TMC4: variants seen among roughly 807,000 people sequenced by gnomAD.
TMC4 encodes voltage-gated chloride channel TMC4.
In TMC4, 70 loss-of-function variants were observed where a neutral mutation model predicts 82.0. The ratio of observed to expected loss-of-function variants is 0.85; its 90% CI spans 0.70 to 1.04. TMC4 has a LOEUF of 1.04. Ranked by LOEUF, TMC4 falls within the 50% of genes least tolerant of loss-of-function variation. The pLI is 0.00. For synonymous variants in TMC4, 446 were observed against 406.0 expected, an observed-to-expected ratio of 1.10 and a Z score of -1.18; for missense variants, 879 against 899.0, an observed-to-expected ratio of 0.98 and a Z score of 0.28.
At position 54,168,383 on chromosome 19, in the gene TMC4, T is replaced by C. The variant is rs576473663; in HGVS notation, c.675+65A>G. ...AGGGTCTGGGGTCAGGGTTTGAGGT[T>C]CGTGTCATTGAAGGCACTGGGGTCA... On this transcript the variant is annotated intron_variant, in intron 4 of 14. Coordinates refer to ENST00000619895, the MANE Select transcript of TMC4 (RefSeq NM_144686.4). The C allele has an allele frequency of 6.0e-4, 914 of 1,517,144 alleles. 1 individual carries two copies. Among genetic ancestry groups the C allele is most frequent in the Middle Eastern group, 3.2e-3 (14 of 4,318 alleles). The allele number at this position is 1,517,144 out of a possible 1,614,324, so 94.0% of individuals were successfully genotyped here.
intron 2 of TMC4, 73 bp downstream of exon 2, chr19:54,171,797 G>A (rs1036016368): frequency 2.2e-6 from 3 of 1,378,284 alleles, no homozygotes; most frequent in African/African-American, 1.5e-5. Context: ...ACAGAGGGAG[G>A]AGACCGAGTC....
Position 54,172,701 on chromosome 19 carries a change from G to T in TMC4, c.79+338C>A, listed in dbSNP as rs2075937668. On this transcript the variant is annotated intron_variant, in intron 1 of 14. Transcript: ENST00000619895. Reference sequence around the variant, plus strand: ...AGCCCTCAACTCCATCCCCAAGCGTGGAACCCTCCTACTCCAGGGCAGTGG... The same window carrying T: ...AGCCCTCAACTCCATCCCCAAGCGTTGAACCCTCCTACTCCAGGGCAGTGG... 4 of 293,776 alleles carry T rather than the reference G, an allele frequency of 1.4e-5. No homozygotes were observed. In the Admixed American group the frequency reaches 1.5e-4, roughly 11 times the overall value. The allele number at this position is 293,776 out of a possible 1,614,324, so 18.2% of individuals were successfully genotyped here. A position where few individuals can be genotyped will look rare whatever the true frequency, so the allele number is the denominator to read the frequency against.
chr19:54,168,462 A>C lies in TMC4; in HGVS notation c.661T>G (p.Leu221Val). The change falls in exon 4 of 15, where the codon TTG becomes GTG. Residue 221 changes from leucine (L) to valine (V), a missense_variant. Leu to Val is a conservative substitution (Grantham distance 32). Transcript: ENST00000619895. ...CAGGCACCTACCTCACCCGAGAGCA[A>C]GTTGAAGAGCTGGGTGGCAAAGGTG... ...LVTFATQLFN[L>V]LSGEGYLEWS... is the part of the protein sequence containing the mutation. 6.5e-7 allele frequency: 1 copy of C among 1,545,506 alleles called. No individual in the cohort carries two copies. The highest frequency in any genetic ancestry group is 8.7e-7 in the Non-Finnish European group (1 of 1,144,638).
Position 54,160,225 on chromosome 19 carries a change from C to T in TMC4, c.*81G>A. ...AAGCTGGAAGGGCGTGGAGTCTTCT[C>T]CAGTTCTCCTAGTTTACAGATGTTG... On this transcript the variant is annotated 3_prime_UTR_variant, in exon 15 of 15. Transcript: ENST00000619895. 1 of 1,422,132 alleles carries T rather than the reference C, an allele frequency of 7.0e-7. No homozygotes were observed. The highest frequency in any genetic ancestry group is 9.4e-7 in the Non-Finnish European group (1 of 1,065,858). 88.1% of individuals were successfully genotyped at this position (1,422,132 alleles called of 1,614,324 possible).
intron 2 of TMC4, 96 bp downstream of exon 2, chr19:54,171,774 G>A: frequency 8.6e-7 from 1 of 1,164,778 alleles, no homozygotes; most frequent in Non-Finnish European, 1.2e-6. Context: ...CCAGAAGCCA[G>A]GAGCGGCAGA....
In TMC4 at chr19:54,168,802, CTTTTCTTTTCTTTTCTTTTCT is replaced by C. The variant is rs2075779012; in HGVS notation, c.443-143_443-123del. The C allele has an allele frequency of 3.0e-4, 10 of 32,952 alleles. 4 individuals carry two copies. Among genetic ancestry groups the C allele is most frequent in the Non-Finnish European group, 4.0e-4 (9 of 22,416 alleles). The allele number at this position is 32,952 out of a possible 1,614,324, so 2.0% of individuals were successfully genotyped here. A position where few individuals can be genotyped will look rare whatever the true frequency, so the allele number is the denominator to read the frequency against. On this transcript the variant is annotated intron_variant, in intron 3 of 14. Coordinates refer to ENST00000619895, the MANE Select transcript of TMC4 (RefSeq NM_144686.4). ...TTCTTTCTTTTCTTTTCTTTCTTTTCTTTTCTTTTCTTTTCTTTTCTTTTCTTTTCTTTTCTTTTCTTTTCT... is the reference window on the plus strand; with the variant it reads ...TTCTTTCTTTTCTTTTCTTTCTTTTCTTTCTTTTCTTTTCTTTTCTTTTCT...
At chr19:54,164,772 C>T (rs2075659555) in intron 6 of TMC4, 171 bp from the exon 7 acceptor site, 2 of 824,566 alleles carry the variant, frequency 2.4e-6, no homozygotes, top group Non-Finnish European at 3.7e-6. Context: ...AAACCAGCGG[C>T]CCTTTACAGC....
In TMC4 at chr19:54,172,863, C is replaced by T. The variant is rs1600605282; in HGVS notation, c.79+176G>A. The T allele has an allele frequency of 6.4e-6, 4 of 627,654 alleles. No individual in the cohort carries two copies. The East Asian group carries it at 1.1e-4, about 18-fold the overall frequency. The allele number at this position is 627,654 out of a possible 1,614,324, so 38.9% of individuals were successfully genotyped here. A position where few individuals can be genotyped will look rare whatever the true frequency, so the allele number is the denominator to read the frequency against. ...TAGCCTGGTTCTCCAGGCTCCTCCT[C>T]CTCAGACCCTGGAGTTCCAGCCTCC... On this transcript the variant is annotated intron_variant, in intron 1 of 14. Transcript: ENST00000619895.
intron 7 of TMC4, 139 bp downstream of exon 7, chr19:54,164,295 T>A: frequency 2.6e-6 from 3 of 1,159,138 alleles, no homozygotes; most frequent in Non-Finnish European, 3.7e-6. Flanking sequence ...TTAAAATCCC[T>A]AAGTCCAGGG....
rs762978036 is a variant in TMC4, at chr19:54,168,170, C to A, written c.797+1G>T. ...GGGTCAGGGGTGCAGGTGCCACTGA[C>A]CGATGCAGGATGAGCAGGAGGCAGA... On this transcript the variant is annotated splice_donor_variant, in intron 5 of 14. Transcript: ENST00000619895. LOFTEE classifies it high-confidence loss of function. The A allele has an allele frequency of 6.2e-7, 1 of 1,602,670 alleles. No homozygotes were observed. The highest frequency in any genetic ancestry group is 1.3e-5 in the African/African-American group (1 of 74,882).
At position 54,173,149 on chromosome 19, in the gene TMC4, C is replaced by T; in HGVS notation, c.-32G>A. The T allele has an allele frequency of 6.2e-7, 1 of 1,604,132 alleles. No individual in the cohort carries two copies. The highest frequency in any genetic ancestry group is 8.5e-7 in the Non-Finnish European group (1 of 1,172,018). On this transcript the variant is annotated 5_prime_UTR_variant, in exon 1 of 15. Transcript: ENST00000619895. Reference sequence around the variant, plus strand: ...AGGCTGGGCTGTCTCTAGTGGCCACCAGGCAGACACTGCCCCAGGTAAGGG... The same window carrying T: ...AGGCTGGGCTGTCTCTAGTGGCCACTAGGCAGACACTGCCCCAGGTAAGGG...
chr19:54,171,058 T>C (rs1050942325), intron 2 of TMC4, among the ~76,000 whole-genome samples: 16 of 94,672 alleles, frequency 1.7e-4, no homozygotes, highest in Admixed American at 9.3e-4. Flanking sequence ...TCCATATATA[T>C]ACACATATAT....
At position 54,164,602 on chromosome 19, in the gene TMC4, C is replaced by A; in HGVS notation, c.946-1G>T. The A allele has an allele frequency of 6.2e-7, 1 of 1,613,006 alleles. No individual in the cohort carries two copies. Among genetic ancestry groups the A allele is most frequent in the Non-Finnish European group, 8.5e-7 (1 of 1,179,966 alleles). On this transcript the variant is annotated splice_acceptor_variant, in intron 6 of 14. Transcript: ENST00000619895. LOFTEE classifies it high-confidence loss of function. ...GCACCACTGTCTCCTCCAGCTCCAC[C>A]TGAAGGCAGGAGAGATGCCCGCTTG...
intron 2 of TMC4, 134 bp downstream of exon 2, chr19:54,171,736 G>A (rs2075893914): frequency 1.4e-6 from 1 of 721,676 alleles, no homozygotes; most frequent in East Asian, 3.2e-5. Context: ...ACCAAGAGAG[G>A]CAGCTCTGAG....
intron 8 of TMC4, 77 bp downstream of exon 8, chr19:54,163,647 T>C: frequency 6.5e-7 from 1 of 1,540,132 alleles, no homozygotes; most frequent in Non-Finnish European, 9.0e-7. Flanking sequence ...GATTTCCGTG[T>C]CTTACCTGTC....
In TMC4 at chr19:54,163,038, GTTGT is replaced by G. The variant is rs2075605862; in HGVS notation, c.1395_1398del (p.Lys465AsnfsTer22). ...CACACCCATGCCGTTCTCACCGGAA[GTTGT>G]TTGTAATTGTAGCCACAGGTTTTGC... On this transcript the variant is annotated frameshift_variant, in exon 9 of 15. Transcript: ENST00000619895. LOFTEE classifies it high-confidence loss of function. The G allele has an allele frequency of 1.9e-6, 3 of 1,614,066 alleles. No individual in the cohort carries two copies. Among genetic ancestry groups the G allele is most frequent in the Admixed American group, 1.7e-5 (1 of 60,002 alleles).
chr19:54,160,121 C>G lies in TMC4; in HGVS notation c.*185G>C, dbSNP rs1364344741. 5 of 619,256 alleles carry G rather than the reference C, an allele frequency of 8.1e-6. No homozygotes were observed. The highest frequency in any genetic ancestry group is 3.0e-5 in the East Asian group (1 of 32,870). The allele number at this position is 619,256 out of a possible 1,614,324, so 38.4% of individuals were successfully genotyped here. On this transcript the variant is annotated 3_prime_UTR_variant, in exon 15 of 15. Coordinates refer to ENST00000619895, the MANE Select transcript of TMC4 (RefSeq NM_144686.4). ...TTCAAAGCGCGCTCAGCAACCTCGG[C>G]TGTATTTATTGATACAAGGAAGATC...
rs762211490 is a variant in TMC4 at position 54,164,579 on chromosome 19, A to G, written c.968T>C (p.Val323Ala). The change falls in exon 7 of 15, where the codon GTG becomes GCG. Residue 323 changes from valine to alanine, a missense_variant. By Grantham distance (64) the Val-to-Ala change is moderately conservative (BLOSUM62 0). Transcript: ENST00000619895. ...ELKVELEETV[V>A]RRQAAVRTLG... ...CGTCCGCACCGCAGCCTGGCGCCGC[A>G]CCACTGTCTCCTCCAGCTCCACCTG... 5.3e-5 allele frequency: 86 copies of G among 1,613,316 alleles called. No homozygotes were observed. Among genetic ancestry groups the G allele is most frequent in the Non-Finnish European group, 6.9e-5 (82 of 1,179,970 alleles).
chr19:54,163,207 G>A, intron 8 of TMC4, 48 bp from the exon 9 acceptor site: 2 of 1,609,290 alleles, frequency 1.2e-6, no homozygotes, highest in Non-Finnish European at 8.5e-7. Context: ...TACCCACCAT[G>A]TGGCAGTTCC....
Sources: allele counts gnomAD v4.1 joint callset (sites outside exome capture counted in the v4.1 genomes callset), GRCh38; gene constraint gnomAD v4.1.1; transcripts MANE v1.5; gene names NCBI Gene and HGNC (gene_info 2026-07-23, HGNC 2026-07-21).